DAND5: variants seen among roughly 807,000 people sequenced by gnomAD.
DAND5 encodes the protein DAN domain BMP antagonist family member 5.
Under a neutral mutation model 9.2 loss-of-function variants are expected in DAND5, and 8 were observed. The observed-to-expected ratio is 0.87, with a 90% confidence interval of 0.51 to 1.56. The LOEUF is 1.56. Ranked by LOEUF, DAND5 falls within the 40% of genes most tolerant of loss-of-function variation. DAND5 has a pLI of 0.00. For missense variants in DAND5, 244 were observed against 244.7 expected (o/e 1.00, Z 0.02); for synonymous variants, 95 against 101.1 (o/e 0.94, Z 0.36).
chr19:12,971,040 G>C (rs1348456985), intron 1 of DAND5, among the ~76,000 whole-genome samples: 2 of 152,098 alleles, frequency 1.3e-5, no homozygotes, highest in Non-Finnish European at 2.9e-5. Context: ...ACCAGGATTT[G>C]GGGGAGAGAT....
intron 1 of DAND5, among the ~76,000 whole-genome samples, chr19:12,971,735 C>T (rs1204687325): frequency 6.6e-6 from 1 of 151,844 alleles, no homozygotes; most frequent in African/African-American, 2.4e-5. Context: ...GGACCACGGG[C>T]GCCTGCCACC....
intron 1 of DAND5, among the ~76,000 whole-genome samples, chr19:12,972,210 C>T (rs911364066): frequency 6.6e-6 from 1 of 151,944 alleles, no homozygotes; most frequent in Non-Finnish European, 1.5e-5. Flanking sequence ...AGGCGCCCAC[C>T]ACCACGCCTG....
At chr19:12,970,191 G>A (rs1310230296) in intron 1 of DAND5, among the ~76,000 whole-genome samples, 2 of 151,436 alleles carry the variant, frequency 1.3e-5, no homozygotes, top group Non-Finnish European at 2.9e-5. Flanking sequence ...CCACCCCCCA[G>A]TCTATTTTTC....
At chr19:12,973,341 T>G (rs754110628) in intron 1 of DAND5, 48 bp from the exon 2 acceptor site, 2 of 1,593,550 alleles carry the variant, frequency 1.3e-6, no homozygotes, top group Non-Finnish European at 1.7e-6. Context: ...CTCGCCACTC[T>G]GGCCCCAAAC....
Position 12,973,750 on chromosome 19 carries a change from G to C in DAND5, c.*116G>C. On this transcript the variant is annotated 3_prime_UTR_variant, in exon 2 of 2. Coordinates refer to ENST00000317060, the MANE Select transcript of DAND5 (RefSeq NM_152654.3). ...TCTGGGTCAAGAGACCAGGGATGCA[G>C]GGTTAGGCAGACAGGTCCCCAGAGT... 1 of 1,489,222 alleles carries C rather than the reference G, an allele frequency of 6.7e-7. No homozygotes were observed. Among genetic ancestry groups the C allele is most frequent in the African/African-American group, 1.4e-5 (1 of 72,424 alleles). The allele number at this position is 1,489,222 out of a possible 1,614,324, so 92.3% of individuals were successfully genotyped here. A position where few individuals can be genotyped will look rare whatever the true frequency, so the allele number is the denominator to read the frequency against.
At chr19:12,973,039 T>C (rs910458771) in intron 1 of DAND5, among the ~76,000 whole-genome samples, 1 of 151,766 alleles carries the variant, frequency 6.6e-6, no homozygotes, top group Admixed American at 6.6e-5. Flanking sequence ...ATTTTTTGTA[T>C]TTTTAGTAGA....
At chr19:12,972,585 C>T (rs2146065972) in intron 1 of DAND5, among the ~76,000 whole-genome samples, 1 of 151,324 alleles carries the variant, frequency 6.6e-6, no homozygotes, top group South Asian at 2.1e-4. Context: ...CTCTGTTACC[C>T]AGGCTAGAGT....
At position 12,973,670 on chromosome 19, in the gene DAND5, C is replaced by A. The variant is rs774578194; in HGVS notation, c.*36C>A. ...GTGGATGGGTGCACGGAGACACGCA[C>A]CTTGGAGAAATGAGGGGAGATGGAC... is the stretch of plus-strand genomic sequence containing the variant. On this transcript the variant is annotated 3_prime_UTR_variant, in exon 2 of 2. Coordinates refer to ENST00000317060, the MANE Select transcript of DAND5 (RefSeq NM_152654.3). The A allele has an allele frequency of 3.1e-6, 5 of 1,596,302 alleles. No homozygotes were observed. The South Asian group carries it at 4.6e-5, about 15-fold the overall frequency.
chr19:12,969,702 CG>C lies in DAND5; in HGVS notation c.46del (p.Ala16ProfsTer72). 1 of 1,607,026 alleles carries C rather than the reference CG, an allele frequency of 6.2e-7. No homozygotes were observed. ...QLSTLLCLLS[G>X]ALPTGSGRPE... The stretch of plus-strand genomic sequence containing the variant: ...TATCCACTCTTCTGTGCCTGCTTAG[CG>C]GGGCCCTGCCTACAGGCTCAGGGAG... On this transcript the variant is annotated frameshift_variant, in exon 1 of 2. Coordinates refer to ENST00000317060, the MANE Select transcript of DAND5 (RefSeq NM_152654.3). LOFTEE classifies it high-confidence loss of function.
intron 1 of DAND5, among the ~76,000 whole-genome samples, chr19:12,971,742 C>A (rs1207175027): frequency 1.3e-5 from 2 of 152,104 alleles, no homozygotes; most frequent in East Asian, 3.9e-4. Context: ...GGGCGCCTGC[C>A]ACCATGCTCA....
At chr19:12,971,525 C>G (rs1380378514) in intron 1 of DAND5, among the ~76,000 whole-genome samples, 1 of 151,932 alleles carries the variant, frequency 6.6e-6, no homozygotes, top group East Asian at 1.9e-4. Context: ...GATCCACCTG[C>G]CTCGGCCTCC....
intron 1 of DAND5, chr19:12,970,364 C>T (rs2011140083): frequency 3.0e-6 from 2 of 664,526 alleles, no homozygotes; most frequent in East Asian, 2.7e-5. Context: ...CCTGATTTCA[C>T]CTCCTCCCAC....
At chr19:12,970,553 G>A in intron 1 of DAND5, 3 of 540,500 alleles carry the variant, frequency 5.6e-6, no homozygotes, top group Admixed American at 3.0e-5. Context: ...CCCGTCTCTT[G>A]CTTGATATAC....
intron 1 of DAND5, chr19:12,970,644 TCTTTCTTTCTTTCTTTC>T (rs1022634000): frequency 1.5e-5 from 7 of 461,380 alleles, no homozygotes; most frequent in African/African-American, 2.5e-5. Context: ...TTTTTCTCTT[TCTTTCTTTCTTTCTTTC>T]CTTTCTTTCT....
At chr19:12,972,184 A>G (rs1442294036) in intron 1 of DAND5, among the ~76,000 whole-genome samples, 5 of 148,882 alleles carry the variant, frequency 3.4e-5, no homozygotes, top group African/African-American at 5.0e-5. Flanking sequence ...TCAGCCTCCC[A>G]AGTAGCTGGG....
At chr19:12,970,094 G>A in intron 1 of DAND5, 110 bp downstream of exon 1, 1 of 1,297,374 alleles carries the variant, frequency 7.7e-7, no homozygotes, top group Non-Finnish European at 1.1e-6. Flanking sequence ...CCACCTGAAT[G>A]TCTCGGTGCC....
At chr19:12,972,857 TTTTC>T (rs2011151921) in intron 1 of DAND5, among the ~76,000 whole-genome samples, 1 of 138,654 alleles carries the variant, frequency 7.2e-6, no homozygotes, top group Admixed American at 7.8e-5. Context: ...GTTGAATTTC[TTTTC>T]TTTTTTTTTT....
chr19:12,973,078 G>C (rs559634781), intron 1 of DAND5, among the ~76,000 whole-genome samples: 2 of 151,244 alleles, frequency 1.3e-5, no homozygotes, highest in Middle Eastern at 3.4e-3. Context: ...TGGCCAGGAT[G>C]GTCTCGATCT....
intron 1 of DAND5, among the ~76,000 whole-genome samples, chr19:12,973,042 T>G (rs1044486257): frequency 6.6e-6 from 1 of 151,388 alleles, no homozygotes; most frequent in Admixed American, 6.6e-5. Context: ...TTTTGTATTT[T>G]TAGTAGAGAC....
Sources: gnomAD v4.1 joint callset for allele counts (sites outside exome capture counted in the v4.1 genomes callset) on GRCh38, gnomAD v4.1.1 for gene constraint, MANE v1.5 for transcripts, NCBI Gene and HGNC (gene_info 2026-07-23, HGNC 2026-07-21) for gene names.